NCOA7: variants seen among roughly 807,000 people sequenced by gnomAD.
NCOA7 encodes the protein 140 kDa estrogen receptor-associated protein.
Under a neutral mutation model 104.3 loss-of-function variants are expected in NCOA7, and 45 were observed. The ratio of observed to expected loss-of-function variants is 0.43; its 90% confidence interval spans 0.34 to 0.55. The LOEUF is 0.55. Among genes scored for constraint, NCOA7 ranks in the 20% least tolerant of loss-of-function variants. The pLI, the probability that NCOA7 is intolerant of heterozygous loss-of-function variation, is 0.02. For synonymous variants in NCOA7, 398 were observed against 402.3 expected (o/e 0.99, Z 0.13); for missense variants, 1,041 against 1,119.7 (o/e 0.93, Z 1.00).
At chr6:125,817,903 T>C (rs1469520977) in intron 2 of NCOA7, among the ~76,000 whole-genome samples, 1 of 152,172 alleles carries the variant, frequency 6.6e-6, no homozygotes, top group Admixed American at 6.5e-5. Flanking sequence ...AAGTCTGTGA[T>C]CCATTTTGAA....
intron 3 of NCOA7, among the ~76,000 whole-genome samples, chr6:125,859,109 C>T (rs1448606984): frequency 6.6e-6 from 1 of 151,926 alleles, no homozygotes; most frequent in Non-Finnish European, 1.5e-5. Context: ...TTTAGTTTAC[C>T]ATCAACTCTG....
intron 3 of NCOA7, among the ~76,000 whole-genome samples, chr6:125,858,968 A>G (rs1245054627): frequency 6.6e-6 from 1 of 152,178 alleles, no homozygotes; most frequent in Non-Finnish European, 1.5e-5. Context: ...CTGGGAGGGA[A>G]GGGGAGACTT....
At chr6:125,919,517 A>C (rs1002404321) in intron 11 of NCOA7, 1 of 1,325,894 alleles carries the variant, frequency 7.5e-7, no homozygotes, top group African/African-American at 1.5e-5. Flanking sequence ...AAGTCGTTCT[A>C]ATTAGAAAGG....
At chr6:125,841,118 C>T (rs2128604391) in intron 2 of NCOA7, among the ~76,000 whole-genome samples, 1 of 151,100 alleles carries the variant, frequency 6.6e-6, no homozygotes, top group South Asian at 2.1e-4. Flanking sequence ...GTCTTGAACT[C>T]CTGACCTAGA....
chr6:125,928,557 A>C, intron 15 of NCOA7, 79 bp from the exon 16 acceptor site: 2 of 1,492,596 alleles, frequency 1.3e-6, no homozygotes, highest in Non-Finnish European at 1.8e-6. Flanking sequence ...TAAAGGAAAG[A>C]AGATGGGGGC....
rs1050586509 is a variant in NCOA7 at position 125,920,842 on chromosome 6, G to A, written c.2245-101G>A. The A allele has an allele frequency of 3.7e-5, 53 of 1,449,760 alleles. 1 individual carries two copies. The highest frequency in any genetic ancestry group is 4.0e-4 in the Middle Eastern group (2 of 5,030). The allele number at this position is 1,449,760 out of a possible 1,614,324, so 89.8% of individuals were successfully genotyped here. A position where few individuals can be genotyped will look rare whatever the true frequency, so the allele number is the denominator to read the frequency against. ...TCAGTTGATTTCCTGCTGCCGAAGC[G>A]TCACCTTTTCAAGCACGGGTGTCCC... On this transcript the variant is annotated intron_variant, in intron 11 of 15. Transcript: ENST00000392477.
chr6:125,902,569 T>C (rs145016898), intron 10 of NCOA7, among the ~76,000 whole-genome samples: 48 of 152,056 alleles, frequency 3.2e-4, no homozygotes, highest in African/African-American at 1.2e-3. Context: ...TTCAATAAAC[T>C]AGATTGTAAT....
intron 10 of NCOA7, among the ~76,000 whole-genome samples, chr6:125,907,151 TGAGAGAATGAGGG>T (rs1786086933): frequency 6.6e-6 from 1 of 152,092 alleles, no homozygotes; most frequent in Non-Finnish European, 1.5e-5. Flanking sequence ...CCTGTCTACG[TGAGAGAATGAGGG>T]GATATTATGC....
intron 2 of NCOA7, among the ~76,000 whole-genome samples, chr6:125,839,309 G>A (rs1484746152): frequency 1.3e-5 from 2 of 152,032 alleles, no homozygotes; most frequent in Admixed American, 6.6e-5. Context: ...GTAGAGATGG[G>A]GTTTCACCAT....
chr6:125,913,748 G>T, intron 10 of NCOA7: 1 of 743,308 alleles, frequency 1.3e-6, no homozygotes, highest in Non-Finnish European at 1.6e-6. Context: ...GGAAACAACA[G>T]CTCGGAAACA....
chr6:125,863,136 AAAC>A (rs1782185574), intron 3 of NCOA7, among the ~76,000 whole-genome samples: 1 of 139,290 alleles, frequency 7.2e-6, no homozygotes, highest in Non-Finnish European at 1.5e-5. Context: ...ATTTCCTTAG[AAAC>A]TCCAGTAGTT....
chr6:125,815,517 C>A, intron 2 of NCOA7, 113 bp downstream of exon 2: 1 of 777,150 alleles, frequency 1.3e-6, no homozygotes, highest in Non-Finnish European at 2.1e-6. Flanking sequence ...ATAAATAGAG[C>A]AGGTAACCAG....
intron 10 of NCOA7, among the ~76,000 whole-genome samples, chr6:125,904,368 G>A (rs1475686620): frequency 1.3e-5 from 2 of 152,146 alleles, no homozygotes; most frequent in African/African-American, 4.8e-5. Flanking sequence ...GGCAGGGCCT[G>A]GGTATCCTGC....
intron 1 of NCOA7, among the ~76,000 whole-genome samples, chr6:125,792,041 G>A (rs1286552273): frequency 6.6e-6 from 1 of 152,068 alleles, no homozygotes; most frequent in African/African-American, 2.4e-5. Flanking sequence ...CTCAGTATAA[G>A]CTCAAATAGG....
chr6:125,907,781 C>T (rs558188180), intron 10 of NCOA7, among the ~76,000 whole-genome samples: 63 of 152,230 alleles, frequency 4.1e-4, no homozygotes, highest in African/African-American at 1.4e-3. Flanking sequence ...AAATTTGGCA[C>T]AGTAATACAT....
At chr6:125,883,445 C>T (rs745476693) in intron 7 of NCOA7, among the ~76,000 whole-genome samples, 1 of 152,064 alleles carries the variant, frequency 6.6e-6, no homozygotes. Context: ...AGTTGTGCAA[C>T]CATCACCACA....
At chr6:125,924,304 TC>T (rs1258508130) in intron 13 of NCOA7, among the ~76,000 whole-genome samples, 1 of 152,228 alleles carries the variant, frequency 6.6e-6, no homozygotes, top group Non-Finnish European at 1.5e-5. Flanking sequence ...TTACCAAACT[TC>T]CTGTGCGATT....
chr6:125,856,997 A>G (rs1459843866), intron 3 of NCOA7, among the ~76,000 whole-genome samples: 3 of 152,198 alleles, frequency 2.0e-5, no homozygotes, highest in African/African-American at 4.8e-5. Context: ...CAGATGATCT[A>G]TCGGCAGCCG....
intron 1 of NCOA7, among the ~76,000 whole-genome samples, chr6:125,807,002 T>G (rs1776523034): frequency 6.6e-6 from 1 of 152,222 alleles, no homozygotes; most frequent in African/African-American, 2.4e-5. Context: ...ATAAAACGGT[T>G]GCTCAGTATG....
Sources: allele counts gnomAD v4.1 joint callset (sites outside exome capture counted in the v4.1 genomes callset), GRCh38; gene constraint gnomAD v4.1.1; transcripts MANE v1.5; gene names NCBI Gene and HGNC (gene_info 2026-07-23, HGNC 2026-07-21).